The following CACNA2D3 variants were observed in gnomAD, a reference collection of about 807,000 sequenced individuals.
CACNA2D3 encodes the protein calcium voltage-gated channel auxiliary subunit alpha2delta 3, also known as voltage-dependent calcium channel subunit alpha-2/delta-3.
Under a neutral mutation model 160.6 loss-of-function variants are expected in CACNA2D3, and 60 were observed. The ratio of observed to expected loss-of-function variants is 0.37; its 90% CI spans 0.30 to 0.46. CACNA2D3 has a LOEUF of 0.46. Ranked by LOEUF, CACNA2D3 falls within the 20% of genes least tolerant of loss-of-function variation. The pLI, the probability that CACNA2D3 is intolerant of heterozygous loss-of-function variation, is 1.00. For synonymous variants in CACNA2D3, 558 were observed against 492.9 expected, an observed-to-expected ratio of 1.13 and a Z score of -1.75; for missense variants, 1,205 against 1,365.0, an observed-to-expected ratio of 0.88 and a Z score of 1.85.
At chr3:54,776,250 A>T (rs1252239716) in intron 13 of CACNA2D3, among the ~76,000 whole-genome samples, 1 of 152,224 alleles carries the variant, frequency 6.6e-6, no homozygotes, top group African/African-American at 2.4e-5. Context: ...GCAGTGGCTT[A>T]TACCTGTAAT....
chr3:54,557,138 G>A (rs1385658261), intron 5 of CACNA2D3, among the ~76,000 whole-genome samples: 1 of 152,130 alleles, frequency 6.6e-6, no homozygotes, highest in South Asian at 2.1e-4. Flanking sequence ...AATACACTGT[G>A]ATTATGTTAC....
chr3:54,823,833 G>A (rs561449659), intron 14 of CACNA2D3, among the ~76,000 whole-genome samples: 2 of 152,110 alleles, frequency 1.3e-5, no homozygotes, highest in Non-Finnish European at 2.9e-5. Flanking sequence ...AGTGGTAGGA[G>A]AACAAATATG....
At chr3:54,684,713 C>T (rs1227025401) in intron 11 of CACNA2D3, among the ~76,000 whole-genome samples, 4 of 151,586 alleles carry the variant, frequency 2.6e-5, no homozygotes, top group African/African-American at 9.7e-5. Flanking sequence ...GCCCAGGAGA[C>T]AGCGTACAAA....
rs1001202999 is a variant in CACNA2D3, at chr3:54,757,251, G to A, written c.1246+4574G>A. ...GGCCTCCATGTTTGGGTTCTCAACCGATCAGTCATCGTCAGGTCCAATGGA... is the reference window on the plus strand; with the variant it reads ...GGCCTCCATGTTTGGGTTCTCAACCAATCAGTCATCGTCAGGTCCAATGGA... On this transcript the variant is annotated intron_variant, in intron 12 of 37. Transcript: ENST00000474759. Among the ~76,000 whole-genome samples the A allele has an allele frequency of 6.6e-5, 10 of 152,174 alleles. No individual in the cohort carries two copies. In the South Asian group the frequency reaches 8.3e-4, roughly 13 times the overall value.
In CACNA2D3 at chr3:54,626,686, A is replaced by G. The variant is rs1699119218; in HGVS notation, c.964-1101A>G. ...ATAAAGGCGCACATGGTTCCAGTCA[A>G]AAAAAAAAAAAAAAAAAAAAAAAGA... On this transcript the variant is annotated intron_variant, in intron 9 of 37. Coordinates refer to ENST00000474759, the MANE Select transcript of CACNA2D3 (RefSeq NM_018398.3). 4.9e-5 allele frequency: 4 copies of G among 81,894 alleles called. No individual in the cohort carries two copies. The East Asian group carries it at 1.0e-3, about 21-fold the overall frequency. 5.1% of individuals were successfully genotyped at this position (81,894 alleles called of 1,614,324 possible).
At chr3:54,477,242 C>CT (rs899108315) in intron 4 of CACNA2D3, among the ~76,000 whole-genome samples, 77 of 145,664 alleles carry the variant, frequency 5.3e-4, no homozygotes, top group East Asian at 3.2e-3. Flanking sequence ...AAGAACTATC[C>CT]TTTTTTTTTT....
chr3:54,236,625 T>C (rs1419923806), intron 2 of CACNA2D3, among the ~76,000 whole-genome samples: 1 of 152,134 alleles, frequency 6.6e-6, no homozygotes, highest in Non-Finnish European at 1.5e-5. Flanking sequence ...ACTCTGTGCA[T>C]AGAAGTTGTC....
In CACNA2D3 at chr3:54,649,513, A is replaced by G. The variant is rs927274051; in HGVS notation, c.1167+7272A>G. ...ACTGGGTGGCTTATAAACAACAGGA[A>G]TTTATTGCTCACAGTCCTGGAGGCT... On this transcript the variant is annotated intron_variant, in intron 11 of 37. Transcript: ENST00000474759. 2.4e-4 allele frequency among the ~76,000 whole-genome samples: 36 copies of G among 152,326 alleles called. 1 individual carries two copies. Among genetic ancestry groups the G allele is most frequent in the South Asian group, 8.3e-4 (4 of 4,826 alleles).
intron 13 of CACNA2D3, among the ~76,000 whole-genome samples, chr3:54,783,715 A>T (rs1702577307): frequency 6.6e-6 from 1 of 152,222 alleles, no homozygotes; most frequent in South Asian, 2.1e-4. Context: ...CCAAGGTAGG[A>T]AACTTTAAAT....
chr3:54,905,459 G>A (rs1207464915), intron 27 of CACNA2D3, among the ~76,000 whole-genome samples: 1 of 152,182 alleles, frequency 6.6e-6, no homozygotes, highest in African/African-American at 2.4e-5. Context: ...CCTTTGGTGG[G>A]ATCTCACATA....
At chr3:54,630,977 G>A (rs568488993) in intron 10 of CACNA2D3, among the ~76,000 whole-genome samples, 12 of 152,086 alleles carry the variant, frequency 7.9e-5, no homozygotes, top group South Asian at 2.1e-4. Context: ...CGAGGTGGGC[G>A]GATCACCAGA....
At chr3:54,376,457 T>A (rs1699014174) in intron 3 of CACNA2D3, among the ~76,000 whole-genome samples, 1 of 152,368 alleles carries the variant, frequency 6.6e-6, no homozygotes, top group Middle Eastern at 3.4e-3. Flanking sequence ...TGCTTTGTTT[T>A]ATAGAGCAGT....
chr3:54,812,348 C>A (rs1277405580), intron 13 of CACNA2D3, among the ~76,000 whole-genome samples: 3 of 152,080 alleles, frequency 2.0e-5, no homozygotes, highest in East Asian at 3.9e-4. Context: ...GGAAGGCCTG[C>A]GAAAAGAGCA....
At chr3:54,459,723 G>T (rs952789055) in intron 4 of CACNA2D3, among the ~76,000 whole-genome samples, 2 of 151,980 alleles carry the variant, frequency 1.3e-5, no homozygotes, top group East Asian at 3.9e-4. Flanking sequence ...TTTGTAGGTT[G>T]CCTGTTCACT....
chr3:54,352,856 C>CT (rs1698588321), intron 3 of CACNA2D3, among the ~76,000 whole-genome samples: 1 of 152,122 alleles, frequency 6.6e-6, no homozygotes, highest in Non-Finnish European at 1.5e-5. Flanking sequence ...TCTTAAACAA[C>CT]TTTTTTTAAT....
intron 11 of CACNA2D3, among the ~76,000 whole-genome samples, chr3:54,687,590 C>G (rs1254785812): frequency 1.3e-5 from 2 of 152,118 alleles, no homozygotes; most frequent in Non-Finnish European, 2.9e-5. Context: ...AATAGACTAT[C>G]TAAACCAAAA....
At chr3:54,390,541 T>C (rs1699261583) in intron 4 of CACNA2D3, among the ~76,000 whole-genome samples, 1 of 152,248 alleles carries the variant, frequency 6.6e-6, no homozygotes, top group Admixed American at 6.5e-5. Context: ...TGAAATACTC[T>C]GTCAATATGA....
intron 2 of CACNA2D3, among the ~76,000 whole-genome samples, chr3:54,249,588 C>CACACACACACACACACA (rs58638743): frequency 2.7e-5 from 4 of 147,568 alleles, no homozygotes; most frequent in African/African-American, 7.6e-5. Flanking sequence ...CACACACACA[C>CACACACACACACACACA]CAGGCTACAT....
At chr3:54,730,827 CAGTG>C (rs1701370364) in intron 11 of CACNA2D3, among the ~76,000 whole-genome samples, 1 of 152,158 alleles carries the variant, frequency 6.6e-6, no homozygotes, top group Non-Finnish European at 1.5e-5. Flanking sequence ...TAACATAGCA[CAGTG>C]AGTATGACTT....
Sources: allele counts gnomAD v4.1 joint callset (sites outside exome capture counted in the v4.1 genomes callset), GRCh38; gene constraint gnomAD v4.1.1; transcripts MANE v1.5; gene names NCBI Gene and HGNC (gene_info 2026-07-23, HGNC 2026-07-21).